The following NXPE2 variants were observed in gnomAD, a reference collection of about 807,000 sequenced individuals.
NXPE2 encodes NXPE family member 2.
Under a neutral mutation model 34.4 loss-of-function variants are expected in NXPE2, and 34 were observed. The ratio of observed to expected loss-of-function variants is 0.99; its 90% CI spans 0.75 to 1.31. The LOEUF (loss-of-function observed/expected upper bound fraction) is 1.31, where lower values mean the gene tolerates loss of function less well. Among genes scored for constraint, NXPE2 ranks in the 40% most tolerant of loss-of-function variants. The pLI is 0.00. For missense variants in NXPE2, 649 were observed against 672.5 expected, an observed-to-expected ratio of 0.97 and a Z score of 0.39; for synonymous variants, 235 against 231.3, an observed-to-expected ratio of 1.02 and a Z score of -0.15.
chr11:114,710,806 T>G (rs1012466752), downstream of NXPE2, among the ~76,000 whole-genome samples: 1 of 152,018 alleles, frequency 6.6e-6, no homozygotes, highest in African/African-American at 2.4e-5. Context: ...TACAGGCTGA[T>G]ATCCCTGATA....
chr11:114,506,734 T>G, the NXPE2 span, among the ~76,000 whole-genome samples: 1 of 152,018 alleles, frequency 6.6e-6, no homozygotes, highest in Admixed American at 6.5e-5. Context: ...GCTAAGGCAG[T>G]GTCAAGAGGG....
At chr11:114,714,777 A>G in the NXPE2 span, among the ~76,000 whole-genome samples, 1 of 152,172 alleles carries the variant, frequency 6.6e-6, no homozygotes, top group Non-Finnish European at 1.5e-5. Flanking sequence ...TAATCCCAGC[A>G]CTTTGGGAGG....
Position 114,705,784 on chromosome 11 carries a change from G to A in NXPE2, c.932G>A (p.Ser311Asn), listed in dbSNP as rs754560524. 3 of 1,457,950 alleles carry A rather than the reference G, an allele frequency of 2.1e-6. No individual in the cohort carries two copies. The highest frequency in any genetic ancestry group is 1.5e-5 in the African/African-American group (1 of 68,138). The allele number at this position is 1,457,950 out of a possible 1,614,324, so 90.3% of individuals were successfully genotyped here. A position where few individuals can be genotyped will look rare whatever the true frequency, so the allele number is the denominator to read the frequency against. Residue 311 changes from serine to asparagine, a missense_variant, in exon 5 of 6, where the codon AGC becomes AAC. By Grantham distance (46) the Ser-to-Asn change is conservative. Coordinates refer to ENST00000389586, the MANE Select transcript of NXPE2 (RefSeq NM_182495.6). ...TPIEVIPCNK[S>N]ENIKKNCQIG... ...ATCTGGAAATTTGTATTGCCAGAGA[G>A]CGAGAACATAAAAAAGAACTGCCAG... is the stretch of plus-strand genomic sequence containing the variant.
intron 2 of NXPE2, among the ~76,000 whole-genome samples, chr11:114,696,621 G>A (rs377517323): frequency 1.2e-4 from 18 of 152,058 alleles, no homozygotes; most frequent in African/African-American, 3.6e-4. Flanking sequence ...ACATCTAATA[G>A]CAGAGCTACA....
the NXPE2 span, among the ~76,000 whole-genome samples, chr11:114,568,383 T>C: frequency 2.9e-3 from 443 of 152,266 alleles, 2 homozygotes; most frequent in African/African-American, 9.7e-3. Flanking sequence ...GGTGCTGTTC[T>C]ACCATTCCTG....
chr11:114,483,646 G>A, the NXPE2 span, among the ~76,000 whole-genome samples: 1 of 152,106 alleles, frequency 6.6e-6, no homozygotes, highest in Non-Finnish European at 1.5e-5. Flanking sequence ...TGTTGTTGAT[G>A]GGTAGGGGAA....
At chr11:114,581,428 G>C in the NXPE2 span, among the ~76,000 whole-genome samples, 127,156 of 152,036 alleles carry the variant, frequency 0.84, 53,679 homozygotes, top group African/African-American at 0.9. Flanking sequence ...AGGTAAAGAA[G>C]TGGGTATAGA....
chr11:114,503,526 A>G, the NXPE2 span, among the ~76,000 whole-genome samples: 2 of 152,186 alleles, frequency 1.3e-5, no homozygotes, highest in African/African-American at 2.4e-5. Context: ...TCTTTTTAAG[A>G]TGAAAAAAGT....
the NXPE2 span, among the ~76,000 whole-genome samples, chr11:114,466,755 T>C: frequency 1.3e-5 from 2 of 152,218 alleles, no homozygotes; most frequent in Admixed American, 1.3e-4. Context: ...TTCCACTTAT[T>C]CTTTTTTACC....
the NXPE2 span, among the ~76,000 whole-genome samples, chr11:114,485,901 C>T: frequency 2.6e-5 from 4 of 152,082 alleles, no homozygotes; most frequent in South Asian, 2.1e-4. Flanking sequence ...ATTCATCTGT[C>T]GATGGACACT....
intron 3 of NXPE2, among the ~76,000 whole-genome samples, 157 bp from the exon 4 acceptor site, chr11:114,703,834 G>A (rs1198534159): frequency 2.0e-5 from 3 of 152,130 alleles, no homozygotes; most frequent in African/African-American, 7.2e-5. Context: ...CAGCTTTCCA[G>A]AATCCTGACC....
the NXPE2 span, among the ~76,000 whole-genome samples, chr11:114,811,542 G>A: frequency 5.9e-5 from 9 of 152,060 alleles, no homozygotes; most frequent in South Asian, 2.1e-4. Flanking sequence ...CAAAATAGAC[G>A]GAACGAGGCA....
chr11:114,491,594 A>G, the NXPE2 span, among the ~76,000 whole-genome samples: 1 of 152,214 alleles, frequency 6.6e-6, no homozygotes, highest in East Asian at 1.9e-4. Context: ...TGTGGAAGTC[A>G]GTGTGGCGAT....
At chr11:114,486,868 T>C in the NXPE2 span, among the ~76,000 whole-genome samples, 1 of 152,200 alleles carries the variant, frequency 6.6e-6, no homozygotes, top group Non-Finnish European at 1.5e-5. Flanking sequence ...TTTCTTGTTA[T>C]GCCAGTACTA....
chr11:114,599,077 A>G, the NXPE2 span, among the ~76,000 whole-genome samples: 1 of 151,946 alleles, frequency 6.6e-6, no homozygotes, highest in Non-Finnish European at 1.5e-5. Context: ...TTTTTTGCAC[A>G]TGCATACGAG....
the NXPE2 span, among the ~76,000 whole-genome samples, chr11:114,670,259 T>C: frequency 2.0e-5 from 3 of 152,012 alleles, no homozygotes; most frequent in East Asian, 5.8e-4. Flanking sequence ...AAATAAGACA[T>C]GGTCAAAGAG....
the NXPE2 span, among the ~76,000 whole-genome samples, chr11:114,795,343 C>G: frequency 6.6e-6 from 1 of 152,274 alleles, no homozygotes; most frequent in South Asian, 2.1e-4. Context: ...CATTCAGCTT[C>G]CCTATTCCTC....
the NXPE2 span, among the ~76,000 whole-genome samples, chr11:114,745,448 A>T: frequency 6.6e-6 from 1 of 152,212 alleles, no homozygotes; most frequent in African/African-American, 2.4e-5. Context: ...GCAAAAATGT[A>T]TCAAGCCATT....
At chr11:114,744,158 T>G in the NXPE2 span, among the ~76,000 whole-genome samples, 1 of 152,158 alleles carries the variant, frequency 6.6e-6, no homozygotes, top group Non-Finnish European at 1.5e-5. Context: ...GGTATTCACT[T>G]TCTTCTCAAT....
Sources: gnomAD v4.1 joint callset for allele counts (sites outside exome capture counted in the v4.1 genomes callset) on GRCh38, gnomAD v4.1.1 for gene constraint, MANE v1.5 for transcripts, NCBI Gene and HGNC (gene_info 2026-07-23, HGNC 2026-07-21) for gene names.